Variants in ADGRB3 observed in about 807,000 individuals in gnomAD.
ADGRB3 encodes the protein brain-specific angiogenesis inhibitor 3.
In ADGRB3, 37 loss-of-function variants were observed where a neutral mutation model predicts 193.4. The ratio of observed to expected loss-of-function variants is 0.19; its 90% confidence interval spans 0.15 to 0.25. The LOEUF (loss-of-function observed/expected upper bound fraction) is 0.25. ADGRB3 is among the 10% of genes least tolerant of loss of function. The pLI is 1.00. For synonymous variants in ADGRB3, 690 were observed against 644.2 expected, an observed-to-expected ratio of 1.07 and a Z score of -1.08; for missense variants, 1,637 against 1,852.9, an observed-to-expected ratio of 0.88 and a Z score of 2.14.
intron 3 of ADGRB3, among the ~76,000 whole-genome samples, chr6:68,801,890 T>G (rs916888876): frequency 6.6e-6 from 1 of 152,188 alleles, no homozygotes; most frequent in Admixed American, 6.5e-5. Flanking sequence ...GGACAAAGCC[T>G]AGATTAAACT....
At chr6:68,758,060 A>G (rs1327025345) in intron 3 of ADGRB3, among the ~76,000 whole-genome samples, 3 of 151,964 alleles carry the variant, frequency 2.0e-5, no homozygotes, top group African/African-American at 7.2e-5. Flanking sequence ...TTACAGACCT[A>G]CCTTCCTGTT....
At chr6:69,237,250 CTCAGTAAAAAGT>C (rs1766284397) in intron 19 of ADGRB3, among the ~76,000 whole-genome samples, 1 of 151,884 alleles carries the variant, frequency 6.6e-6, no homozygotes, top group Admixed American at 6.6e-5. Flanking sequence ...ACCTTTTATT[CTCAGTAAAAAGT>C]TTAGAAATTT....
At chr6:68,976,722 C>A (rs1032904035) in intron 10 of ADGRB3, among the ~76,000 whole-genome samples, 3 of 152,062 alleles carry the variant, frequency 2.0e-5, no homozygotes, top group South Asian at 4.1e-4. Flanking sequence ...TAAAAGTCTT[C>A]ATCCTCATTA....
intron 3 of ADGRB3, among the ~76,000 whole-genome samples, chr6:68,752,421 C>A (rs960743042): frequency 1.4e-4 from 21 of 151,892 alleles, no homozygotes; most frequent in African/African-American, 5.1e-4. Flanking sequence ...AGATTACAGG[C>A]GTGCACCACC....
chr6:69,282,868 A>G (rs1429613979), intron 20 of ADGRB3, among the ~76,000 whole-genome samples: 2 of 152,230 alleles, frequency 1.3e-5, no homozygotes, highest in Non-Finnish European at 2.9e-5. Flanking sequence ...ATGTTATCAT[A>G]CAAAGCTTGA....
At chr6:68,642,387 C>T (rs1768103607) in intron 3 of ADGRB3, among the ~76,000 whole-genome samples, 1 of 152,082 alleles carries the variant, frequency 6.6e-6, no homozygotes, top group Non-Finnish European at 1.5e-5. Flanking sequence ...ACAATAGACT[C>T]TCAGGAGTGG....
At chr6:68,643,101 C>T (rs1289906255) in intron 3 of ADGRB3, among the ~76,000 whole-genome samples, 1 of 152,158 alleles carries the variant, frequency 6.6e-6, no homozygotes, top group Non-Finnish European at 1.5e-5. Context: ...ATCTTTGTTT[C>T]TTACTGACAT....
intron 17 of ADGRB3, among the ~76,000 whole-genome samples, chr6:69,125,845 CTCTT>C (rs1773836350): frequency 6.6e-6 from 1 of 152,138 alleles, no homozygotes; most frequent in South Asian, 2.1e-4. Context: ...GTTCTGGTAT[CTCTT>C]TCAGCCATTT....
chr6:69,067,199 G>A (rs1202157563), intron 16 of ADGRB3, among the ~76,000 whole-genome samples: 1 of 152,032 alleles, frequency 6.6e-6, no homozygotes, highest in Non-Finnish European at 1.5e-5. Flanking sequence ...AAATGGTATA[G>A]GTAGGGTACT....
intron 3 of ADGRB3, among the ~76,000 whole-genome samples, chr6:68,662,901 G>T (rs987642563): frequency 1.0e-4 from 15 of 150,412 alleles, no homozygotes; most frequent in African/African-American, 3.4e-4. Context: ...TAACTCCCAA[G>T]GTTTCCAGAA....
At chr6:69,175,572 ATGTG>A in intron 17 of ADGRB3, among the ~76,000 whole-genome samples, 1 of 152,150 alleles carries the variant, frequency 6.6e-6, no homozygotes, top group Admixed American at 6.5e-5. Flanking sequence ...AAGTCAGGTA[ATGTG>A]ATGCCTCTGG....
intron 3 of ADGRB3, among the ~76,000 whole-genome samples, chr6:68,664,993 G>C (rs1051796061): frequency 6.6e-6 from 1 of 151,742 alleles, no homozygotes; most frequent in Admixed American, 6.6e-5. Context: ...CATGTACTGT[G>C]TATGTAATTG....
chr6:68,830,984 A>G lies in ADGRB3; in HGVS notation c.758-99575A>G, dbSNP rs551730197. ...AAAAAAAAAAGAGAATGCTGAAAAC[A>G]AATGGGTATAACGTGATCTAACCTA... On this transcript the variant is annotated intron_variant, in intron 3 of 31. Coordinates refer to ENST00000370598, the MANE Select transcript of ADGRB3 (RefSeq NM_001704.3). 3.9e-5 allele frequency among the ~76,000 whole-genome samples: 6 copies of G among 152,146 alleles called. No individual in the cohort carries two copies. The South Asian group carries it at 1.2e-3, about 32-fold the overall frequency.
intron 3 of ADGRB3, among the ~76,000 whole-genome samples, chr6:68,779,141 T>A (rs927066098): frequency 2.0e-5 from 3 of 151,806 alleles, no homozygotes; most frequent in Non-Finnish European, 4.4e-5. Context: ...CACACATATA[T>A]ACATAACAGA....
At chr6:69,048,068 A>G (rs1771288814) in intron 13 of ADGRB3, 117 bp from the exon 14 acceptor site, 5 of 1,127,720 alleles carry the variant, frequency 4.4e-6, no homozygotes, top group Non-Finnish European at 6.4e-6. Context: ...GCTCTGATAA[A>G]TACAATTTTG....
chr6:68,902,486 T>A (rs999992342), intron 3 of ADGRB3, among the ~76,000 whole-genome samples: 18 of 152,084 alleles, frequency 1.2e-4, no homozygotes, highest in Non-Finnish European at 2.6e-4. Context: ...TCCTCTATTA[T>A]GCTAGAAAAA....
chr6:68,740,179 TA>T (rs1765952165), intron 3 of ADGRB3, among the ~76,000 whole-genome samples: 1 of 152,200 alleles, frequency 6.6e-6, no homozygotes, highest in Admixed American at 6.5e-5. Flanking sequence ...GGCTTTATTT[TA>T]GGGAATGGAA....
intron 20 of ADGRB3, among the ~76,000 whole-genome samples, chr6:69,251,857 T>C (rs1404490353): frequency 1.3e-5 from 2 of 152,192 alleles, no homozygotes; most frequent in Admixed American, 1.3e-4. Flanking sequence ...TACTGTGATG[T>C]ACATTAGATC....
intron 3 of ADGRB3, among the ~76,000 whole-genome samples, chr6:68,823,168 A>G (rs1767778156): frequency 6.6e-6 from 1 of 152,024 alleles, no homozygotes; most frequent in African/African-American, 2.4e-5. Flanking sequence ...AAGAAATTCT[A>G]TAGTCAGTAG....
Sources: allele counts gnomAD v4.1 joint callset (sites outside exome capture counted in the v4.1 genomes callset), GRCh38; gene constraint gnomAD v4.1.1; transcripts MANE v1.5; gene names NCBI Gene and HGNC (gene_info 2026-07-23, HGNC 2026-07-21).